The following HDAC2 variants were observed in gnomAD, a reference collection of about 807,000 sequenced individuals.
HDAC2 encodes the protein histone deacetylase 2.
In HDAC2, 5 loss-of-function variants were observed where a neutral mutation model predicts 68.5. The observed-to-expected ratio is 0.07, with a 90% confidence interval of 0.04 to 0.15. The LOEUF (loss-of-function observed/expected upper bound fraction) is 0.15, where lower values mean the gene tolerates loss of function less well. Ranked by LOEUF, HDAC2 falls within the 10% of genes least tolerant of loss-of-function variation. HDAC2 has a pLI of 1.00. For missense variants in HDAC2, 291 were observed against 600.8 expected (o/e 0.48, Z 5.39); for synonymous variants, 182 against 191.3 (o/e 0.95, Z 0.40).
At chr6:113,970,646 C>A in intron 1 of HDAC2, 1 of 1,347,636 alleles carries the variant, frequency 7.4e-7, no homozygotes, top group South Asian at 1.9e-5. Flanking sequence ...GACGGGCGGG[C>A]CCCCTGATTC....
chr6:113,963,946 GAT>G (rs1383009495), intron 1 of HDAC2, among the ~76,000 whole-genome samples: 1 of 152,110 alleles, frequency 6.6e-6, no homozygotes, highest in Admixed American at 6.5e-5. Context: ...CTTCAAATTA[GAT>G]ATGTTTCAAA....
chr6:113,951,376 T>A (rs528950039), intron 6 of HDAC2, among the ~76,000 whole-genome samples: 14 of 152,166 alleles, frequency 9.2e-5, no homozygotes, highest in African/African-American at 3.4e-4. Context: ...GCTGTACATA[T>A]AATGTAATGA....
At chr6:113,955,829 A>G (rs1776540129) in intron 5 of HDAC2, 184 bp downstream of exon 5, 7 of 529,302 alleles carry the variant, frequency 1.3e-5, no homozygotes, top group Non-Finnish European at 2.3e-5. Context: ...AAGTCTTAAT[A>G]ATTGAAGAAT....
intron 1 of HDAC2, chr6:113,968,199 T>C (rs1776871123): frequency 6.6e-6 from 1 of 152,214 alleles, no homozygotes; most frequent in African/African-American, 2.4e-5. Context: ...TCCGTCCTTT[T>C]CTTTTTCACT....
chr6:113,966,829 G>A (rs1233657413), intron 1 of HDAC2, among the ~76,000 whole-genome samples: 1 of 152,174 alleles, frequency 6.6e-6, no homozygotes, highest in Non-Finnish European at 1.5e-5. Flanking sequence ...AAGATTTCTG[G>A]GGAAAGAGAA....
At chr6:113,959,208 T>C (rs1776623427) in intron 2 of HDAC2, among the ~76,000 whole-genome samples, 1 of 152,070 alleles carries the variant, frequency 6.6e-6, no homozygotes, top group South Asian at 2.1e-4. Flanking sequence ...AAGAGCTCAA[T>C]TTCACGTATG....
intron 5 of HDAC2, among the ~76,000 whole-genome samples, chr6:113,954,948 C>CA (rs777018248): frequency 3.0e-4 from 45 of 152,288 alleles, no homozygotes; most frequent in Non-Finnish European, 4.7e-4. Flanking sequence ...TTCAACAACT[C>CA]AGAGATAATT....
chr6:113,959,881 A>C lies in HDAC2; in HGVS notation c.165+25T>G, dbSNP rs769725032. 6 of 950,142 alleles carry C rather than the reference A, an allele frequency of 6.3e-6. No homozygotes were observed. The East Asian group carries it at 1.2e-4, about 19-fold the overall frequency. The allele number at this position is 950,142 out of a possible 1,614,324, so 58.9% of individuals were successfully genotyped here. ...AAAAAAATAAAAAAGATCAGTGCTGAATATGTATTAAAAGGAATACTCACA... is the reference window on the plus strand; with the variant it reads ...AAAAAAATAAAAAAGATCAGTGCTGCATATGTATTAAAAGGAATACTCACA... On this transcript the variant is annotated intron_variant, in intron 2 of 13. Transcript: ENST00000519065.
intron 12 of HDAC2, among the ~76,000 whole-genome samples, chr6:113,942,432 TA>T (rs5879239): frequency 0.014 from 1,915 of 141,612 alleles, 45 homozygotes; most frequent in African/African-American, 0.044. Context: ...CTCTCTAGTT[TA>T]AAAAAAAAAA....
chr6:113,936,797 G>C lies in HDAC2; in HGVS notation c.*4261C>G, dbSNP rs1192892055. The C allele has an allele frequency of 6.6e-6, 1 of 152,086 alleles. No individual in the cohort carries two copies. Among genetic ancestry groups the C allele is most frequent in the East Asian group, 1.9e-4 (1 of 5,178 alleles). 9.4% of individuals were successfully genotyped at this position (152,086 alleles called of 1,614,324 possible). ...ATTTGAGGTAAGGAGTTCAAGACCA[G>C]CCTGGACAATATGGTGAGAACCCGT... On this transcript the variant is annotated 3_prime_UTR_variant, in exon 14 of 14. Coordinates refer to ENST00000519065, the MANE Select transcript of HDAC2 (RefSeq NM_001527.4).
chr6:113,959,566 T>A (rs1247379618), intron 2 of HDAC2: 2 of 151,774 alleles, frequency 1.3e-5, no homozygotes, highest in Admixed American at 6.8e-5. Context: ...TCAACTCTTT[T>A]CAGCAGCACA....
chr6:113,942,831 T>C (rs1350966495), intron 12 of HDAC2, among the ~76,000 whole-genome samples: 1 of 152,164 alleles, frequency 6.6e-6, no homozygotes, highest in Non-Finnish European at 1.5e-5. Flanking sequence ...AAAGTATTTT[T>C]TCCTCCCTAA....
Position 113,946,132 on chromosome 6 carries a change from T to G in HDAC2, c.858A>C (p.Val286=). Reference sequence around the variant, plus strand: ...GTAAGTTAAAAGTTTTTACAACTTCTACACATTTAGCATGACCTAAGACAA... The same window carrying G: ...GTAAGTTAAAAGTTTTTACAACTTCGACACATTTAGCATGACCTAAGACAA... ...NLTVKGHAKC[V]EVVKTFNLPL... Residue 286 remains valine (V), a synonymous_variant, in exon 9 of 14, where the codon GTA becomes GTC. Coordinates refer to ENST00000519065, the MANE Select transcript of HDAC2 (RefSeq NM_001527.4). The G allele has an allele frequency of 6.2e-7, 1 of 1,613,470 alleles. No homozygotes were observed. The highest frequency in any genetic ancestry group is 8.5e-7 in the Non-Finnish European group (1 of 1,179,456).
chr6:113,961,318 G>A (rs1484288133), intron 1 of HDAC2, among the ~76,000 whole-genome samples: 1 of 151,980 alleles, frequency 6.6e-6, no homozygotes, highest in East Asian at 1.9e-4. Flanking sequence ...TAACAGTACG[G>A]GATAAACAAT....
At chr6:113,970,509 A>C in intron 1 of HDAC2, 5 of 1,153,662 alleles carry the variant, frequency 4.3e-6, no homozygotes, top group Non-Finnish European at 3.2e-6. Flanking sequence ...GGGCGGGAGA[A>C]GGGAGAGAAT....
chr6:113,941,019 C>T lies in HDAC2; in HGVS notation c.*39G>A. On this transcript the variant is annotated 3_prime_UTR_variant, in exon 14 of 14. Coordinates refer to ENST00000519065, the MANE Select transcript of HDAC2 (RefSeq NM_001527.4). ...GAAAACATTTTCCTTTCAATATTTT[C>T]TTTTTAATGATTTTCTGAAATTGGT... The T allele has an allele frequency of 4.6e-6, 7 of 1,532,460 alleles. No homozygotes were observed. Among genetic ancestry groups the T allele is most frequent in the Non-Finnish European group, 6.3e-6 (7 of 1,111,920 alleles). The allele number at this position is 1,532,460 out of a possible 1,614,324, so 94.9% of individuals were successfully genotyped here.
At chr6:113,943,996 C>T (rs1171143335) in intron 11 of HDAC2, among the ~76,000 whole-genome samples, 1 of 152,164 alleles carries the variant, frequency 6.6e-6, no homozygotes, top group Non-Finnish European at 1.5e-5. Flanking sequence ...TTAGTTCACC[C>T]TACTTTAGAT....
chr6:113,970,947 T>C lies in HDAC2; in HGVS notation c.-39A>G, dbSNP rs759355924. The C allele has an allele frequency of 9.9e-6, 13 of 1,309,502 alleles. No homozygotes were observed. The South Asian group carries it at 1.8e-4, about 18-fold the overall frequency. 81.1% of individuals were successfully genotyped at this position (1,309,502 alleles called of 1,614,324 possible). A position where few individuals can be genotyped will look rare whatever the true frequency, so the allele number is the denominator to read the frequency against. On this transcript the variant is annotated 5_prime_UTR_variant, in exon 1 of 14. Coordinates refer to ENST00000519065, the MANE Select transcript of HDAC2 (RefSeq NM_001527.4). The stretch of plus-strand genomic sequence containing the variant: ...ACCGCCGCCACCGGGCTCCTCCTCC[T>C]GCTGCTGCTGCTGCTGCTGCTGCCG...
chr6:113,942,627 CTG>C, intron 12 of HDAC2, among the ~76,000 whole-genome samples: 1 of 152,236 alleles, frequency 6.6e-6, no homozygotes, highest in Non-Finnish European at 1.5e-5. Context: ...ATTTAAGATA[CTG>C]TGTTCCCTAG....
Sources: allele counts gnomAD v4.1 joint callset (sites outside exome capture counted in the v4.1 genomes callset), GRCh38; gene constraint gnomAD v4.1.1; transcripts MANE v1.5; gene names NCBI Gene and HGNC (gene_info 2026-07-23, HGNC 2026-07-21).